Variants in MBOAT2 observed in about 807,000 individuals in gnomAD.
The protein encoded by MBOAT2 is membrane bound glycerophospholipid O-acyltransferase 2, also known as membrane-bound glycerophospholipid O-acyltransferase 2.
A neutral mutation model predicts 63.4 loss-of-function variants in MBOAT2; 28 were observed. That is an observed-to-expected ratio of 0.44 (90% CI 0.33 to 0.61). MBOAT2 has a LOEUF of 0.61. Ranked by LOEUF, MBOAT2 falls within the 20% of genes least tolerant of loss-of-function variation. The pLI is 0.03. For synonymous variants in MBOAT2, 211 were observed against 215.6 expected (o/e 0.98, Z 0.19); for missense variants, 470 against 605.8 (o/e 0.78, Z 2.35).
chr2:8,950,158 A>C (rs1668726907), intron 2 of MBOAT2, among the ~76,000 whole-genome samples: 1 of 152,160 alleles, frequency 6.6e-6, no homozygotes, highest in Admixed American at 6.6e-5. Flanking sequence ...TGATTTCTAT[A>C]CATCGATCTT....
At chr2:8,897,233 GTC>G (rs990494843) in intron 4 of MBOAT2, among the ~76,000 whole-genome samples, 11 of 145,856 alleles carry the variant, frequency 7.5e-5, no homozygotes, top group African/African-American at 2.9e-4. Context: ...CTCCTTCTTT[GTC>G]TCTCTTTCAT....
chr2:8,964,851 A>G (rs1266657134), intron 1 of MBOAT2, among the ~76,000 whole-genome samples: 1 of 152,094 alleles, frequency 6.6e-6, no homozygotes, highest in East Asian at 1.9e-4. Context: ...CAGGATGAAC[A>G]TTTTTCTTAT....
chr2:8,958,882 G>T (rs1669414893), intron 1 of MBOAT2, among the ~76,000 whole-genome samples: 1 of 152,200 alleles, frequency 6.6e-6, no homozygotes, highest in Non-Finnish European at 1.5e-5. Flanking sequence ...GTGGCCACGT[G>T]GGGAGAGGTG....
At chr2:8,936,722 A>C (rs187473403) in intron 3 of MBOAT2, among the ~76,000 whole-genome samples, 14 of 141,704 alleles carry the variant, frequency 9.9e-5, no homozygotes, top group African/African-American at 3.4e-4. Context: ...CGGGAGACAG[A>C]GGTTGCAGTG....
At chr2:8,997,720 T>C (rs1432558404) in intron 1 of MBOAT2, among the ~76,000 whole-genome samples, 4 of 152,186 alleles carry the variant, frequency 2.6e-5, no homozygotes, top group African/African-American at 9.7e-5. Flanking sequence ...TACTACTACT[T>C]ATTATTATCC....
intron 1 of MBOAT2, among the ~76,000 whole-genome samples, chr2:8,959,281 C>A (rs1027468421): frequency 2.6e-5 from 4 of 152,130 alleles, no homozygotes; most frequent in Admixed American, 2.0e-4. Context: ...TCAAGTCCAC[C>A]AACCTCAATT....
intron 1 of MBOAT2, among the ~76,000 whole-genome samples, chr2:8,984,412 C>T (rs552799392): frequency 5.3e-5 from 8 of 152,140 alleles, no homozygotes; most frequent in East Asian, 3.9e-4. Flanking sequence ...TACATACATA[C>T]GTTTGTGGTT....
chr2:8,957,247 T>C (rs1381760766), intron 2 of MBOAT2, among the ~76,000 whole-genome samples: 1 of 152,194 alleles, frequency 6.6e-6, no homozygotes, highest in Non-Finnish European at 1.5e-5. Context: ...TTGAAAAATA[T>C]ACACTACTCC....
chr2:8,978,328 C>T (rs1011770426), intron 1 of MBOAT2, among the ~76,000 whole-genome samples: 4 of 152,136 alleles, frequency 2.6e-5, no homozygotes, highest in Non-Finnish European at 5.9e-5. Flanking sequence ...TCTTCCAAAG[C>T]TTCACAGACC....
At chr2:8,864,418 T>C (rs946626703) in intron 9 of MBOAT2, among the ~76,000 whole-genome samples, 184 bp from the exon 10 acceptor site, 4 of 151,968 alleles carry the variant, frequency 2.6e-5, no homozygotes, top group African/African-American at 9.7e-5. Flanking sequence ...GACAAGTTTA[T>C]TTATTGTTGG....
chr2:8,951,663 CTG>C (rs1668845086), intron 2 of MBOAT2, among the ~76,000 whole-genome samples: 1 of 152,104 alleles, frequency 6.6e-6, no homozygotes, highest in South Asian at 2.1e-4. Flanking sequence ...TCTTAAGAGA[CTG>C]TGTATTTCCA....
chr2:8,888,224 T>TTCTGAGTTATTG, intron 4 of MBOAT2, 151 bp from the exon 5 acceptor site: 1 of 673,928 alleles, frequency 1.5e-6, no homozygotes, highest in Non-Finnish European at 2.5e-6. Context: ...CAGCAATAAC[T>TTCTGAGTTATTG]CAGAAGTTAT....
At chr2:8,987,090 G>A (rs1189311621) in intron 1 of MBOAT2, among the ~76,000 whole-genome samples, 3 of 152,188 alleles carry the variant, frequency 2.0e-5, no homozygotes, top group Non-Finnish European at 1.5e-5. Context: ...TATCAATACT[G>A]CTTCACCAGC....
intron 4 of MBOAT2, among the ~76,000 whole-genome samples, chr2:8,892,115 A>T (rs990309880): frequency 3.3e-5 from 5 of 152,256 alleles, no homozygotes; most frequent in Non-Finnish European, 7.3e-5. Flanking sequence ...GTAGTTAAAC[A>T]TTACAAGATA....
intron 1 of MBOAT2, among the ~76,000 whole-genome samples, chr2:9,002,423 TCC>T (rs1156360255): frequency 3.9e-5 from 6 of 152,194 alleles, no homozygotes; most frequent in African/African-American, 1.4e-4. Context: ...CAAGAAGGAA[TCC>T]CGTATTGAAG....
chr2:8,972,073 C>G (rs973814983), intron 1 of MBOAT2, among the ~76,000 whole-genome samples: 21 of 152,034 alleles, frequency 1.4e-4, no homozygotes, highest in African/African-American at 5.1e-4. Flanking sequence ...AATCCTAAGC[C>G]AAAAGAATAA....
At chr2:8,989,208 A>T (rs1485269672) in intron 1 of MBOAT2, among the ~76,000 whole-genome samples, 1 of 152,152 alleles carries the variant, frequency 6.6e-6, no homozygotes, top group Non-Finnish European at 1.5e-5. Context: ...ATCTTAGGTA[A>T]CACATTTCCA....
At chr2:8,987,706 T>C (rs1036663826) in intron 1 of MBOAT2, among the ~76,000 whole-genome samples, 15 of 152,138 alleles carry the variant, frequency 9.9e-5, no homozygotes, top group Admixed American at 1.3e-4. Flanking sequence ...ACCTGTAGGT[T>C]CAAACACCTA....
At chr2:8,958,752 CT>C in intron 1 of MBOAT2, 110 bp from the exon 2 acceptor site, 2 of 1,150,880 alleles carry the variant, frequency 1.7e-6, no homozygotes, top group Non-Finnish European at 2.4e-6. Context: ...AAAAATTGAC[CT>C]TCCAAGTTAA....
Sources: gnomAD v4.1 joint callset for allele counts (sites outside exome capture counted in the v4.1 genomes callset) on GRCh38, gnomAD v4.1.1 for gene constraint, MANE v1.5 for transcripts, NCBI Gene and HGNC (gene_info 2026-07-23, HGNC 2026-07-21) for gene names.